Variants in TMOD2 observed in about 807,000 individuals in gnomAD.
TMOD2 encodes tropomodulin 2.
In TMOD2, 22 loss-of-function variants were observed where a neutral mutation model predicts 39.9. The observed-to-expected ratio is 0.55, with a 90% CI of 0.39 to 0.79. The LOEUF is 0.79. Ranked by LOEUF, TMOD2 falls within the 30% of genes least tolerant of loss-of-function variation. The pLI, the probability that TMOD2 is intolerant of heterozygous loss-of-function variation, is 0.00. For missense variants in TMOD2, 386 were observed against 413.3 expected (o/e 0.93, Z 0.57); for synonymous variants, 123 against 146.1 (o/e 0.84, Z 1.14).
intron 1 of TMOD2, among the ~76,000 whole-genome samples, chr15:51,754,776 A>G (rs533469288): frequency 6.6e-6 from 1 of 152,330 alleles, no homozygotes. Flanking sequence ...TCATGGGTTA[A>G]TGATCATTGT....
At chr15:51,780,078 C>G (rs892304492) in intron 5 of TMOD2, among the ~76,000 whole-genome samples, 22 of 152,140 alleles carry the variant, frequency 1.4e-4, no homozygotes, top group African/African-American at 5.3e-4. Flanking sequence ...TTTTGTTTAT[C>G]ATGTTTTGCT....
intron 7 of TMOD2, among the ~76,000 whole-genome samples, chr15:51,797,198 C>T (rs1051579518): frequency 6.6e-6 from 1 of 152,202 alleles, no homozygotes; most frequent in Non-Finnish European, 1.5e-5. Flanking sequence ...CATTTTCCCC[C>T]CACACTGTAC....
intron 8 of TMOD2, among the ~76,000 whole-genome samples, chr15:51,801,866 A>G (rs2141642263): frequency 6.6e-6 from 1 of 152,116 alleles, no homozygotes; most frequent in African/African-American, 2.4e-5. Flanking sequence ...CTGAGGCAGG[A>G]GAATCCCTTG....
In TMOD2 at chr15:51,768,334, G is replaced by A. The variant is rs188023127; in HGVS notation, c.199G>A (p.Glu67Lys). ...GGCAGCCACCGGCCCCTTTGACCGC[G>A]AGCACCTCCTCATGTACCTGGAGAA... ...QKAATGPFDR[E>K]HLLMYLEKEA... is the part of the protein sequence containing the mutation. Residue 67 changes from glutamate to lysine, a missense_variant, in exon 3 of 10, where the codon GAG (glutamate) becomes AAG (lysine). Transcript: ENST00000249700. 6.4e-5 allele frequency: 103 copies of A among 1,614,172 alleles called. 1 individual carries two copies. The highest frequency in any genetic ancestry group is 8.1e-5 in the Non-Finnish European group (96 of 1,180,024).
rs548292974 is a variant in TMOD2, at chr15:51,778,253, G to A, written c.493+1235G>A. On this transcript the variant is annotated intron_variant, in intron 5 of 9. Transcript: ENST00000249700. ...ATCTCAAGGACAAAAAACCAACACC[G>A]CATCTTCTCACTCATAGATGGGAAT... Among the ~76,000 whole-genome samples the A allele has an allele frequency of 4.8e-5, 7 of 145,770 alleles. No individual in the cohort carries two copies. In the South Asian group the frequency reaches 6.5e-4, roughly 14 times the overall value.
chr15:51,776,299 A>C (rs185129389), intron 4 of TMOD2, among the ~76,000 whole-genome samples: 1 of 152,344 alleles, frequency 6.6e-6, no homozygotes, highest in Non-Finnish European at 1.5e-5. Flanking sequence ...AAATCTGCGT[A>C]GCAGTTGCAG....
At chr15:51,778,418 A>G (rs1420690477) in intron 5 of TMOD2, among the ~76,000 whole-genome samples, 1 of 150,950 alleles carries the variant, frequency 6.6e-6, no homozygotes, top group Admixed American at 6.6e-5. Context: ...GCACACCAGC[A>G]TGACACATGT....
intron 1 of TMOD2, among the ~76,000 whole-genome samples, chr15:51,758,435 A>T (rs1315142617): frequency 6.6e-6 from 1 of 152,218 alleles, no homozygotes; most frequent in African/African-American, 2.4e-5. Context: ...GTGGGCTTAG[A>T]TGATCTCAGA....
intron 1 of TMOD2, among the ~76,000 whole-genome samples, chr15:51,761,460 C>T (rs2055780241): frequency 6.6e-6 from 1 of 152,084 alleles, no homozygotes; most frequent in Admixed American, 6.5e-5. Context: ...GGCACTGTGG[C>T]TCATGCCTGT....
In TMOD2 at chr15:51,808,681, G is replaced by C. The variant is rs1012366931; in HGVS notation, c.*227G>C. On this transcript the variant is annotated 3_prime_UTR_variant, in exon 10 of 10. Transcript: ENST00000249700. ...GGCACTTCTGGCAACTTGACAAATG[G>C]ACCGATGCAGATTTTAGAGAGTGAC... The C allele has an allele frequency of 5.2e-6, 2 of 384,016 alleles. No individual in the cohort carries two copies. Among genetic ancestry groups the C allele is most frequent in the Non-Finnish European group, 9.3e-6 (2 of 214,466 alleles). 23.8% of individuals were successfully genotyped at this position (384,016 alleles called of 1,614,324 possible).
intron 1 of TMOD2, among the ~76,000 whole-genome samples, chr15:51,763,833 A>G (rs554360600): frequency 4.4e-4 from 67 of 152,320 alleles, no homozygotes; most frequent in African/African-American, 1.5e-3. Context: ...GTAGGACACC[A>G]TGAATTCTAA....
chr15:51,776,782 G>A (rs935770164), intron 4 of TMOD2, 150 bp from the exon 5 acceptor site: 10 of 593,584 alleles, frequency 1.7e-5, no homozygotes, highest in African/African-American at 1.1e-4. Context: ...TGTATTTAAC[G>A]CTATACATGT....
In TMOD2 at chr15:51,773,785, G is replaced by A. The variant is rs761905257; in HGVS notation, c.357G>A (p.Leu119=). 5.0e-6 allele frequency: 8 copies of A among 1,613,494 alleles called. No homozygotes were observed. The African/African-American group carries it at 6.7e-5, about 13-fold the overall frequency. The change falls in exon 4 of 10, where the codon CTG becomes CTA. Residue 119 remains leucine, a synonymous_variant. Coordinates refer to ENST00000249700, the MANE Select transcript of TMOD2 (RefSeq NM_014548.4). The part of the protein sequence containing the change: ...KEEKVTLDPE[L]EEALASASDT... Reference sequence around the variant, plus strand: ...AAAAAGTGACCCTTGACCCAGAACTGGAAGAAGCTTTGGCCAGTGCCTCTG... The same window carrying A: ...AAAAAGTGACCCTTGACCCAGAACTAGAAGAAGCTTTGGCCAGTGCCTCTG...
At chr15:51,757,394 T>G (rs1306347944) in intron 1 of TMOD2, among the ~76,000 whole-genome samples, 1 of 89,758 alleles carries the variant, frequency 1.1e-5, no homozygotes, top group Admixed American at 1.7e-4. Context: ...ACAGCCAGAC[T>G]CCGTCTCAAA....
intron 4 of TMOD2, among the ~76,000 whole-genome samples, chr15:51,776,102 C>G (rs2055887191): frequency 6.6e-6 from 1 of 152,200 alleles, no homozygotes; most frequent in South Asian, 2.1e-4. Context: ...TCACCGGGTC[C>G]TTGCTAGCTC....
chr15:51,779,686 C>CTT (rs201773750), intron 5 of TMOD2, among the ~76,000 whole-genome samples: 25 of 143,030 alleles, frequency 1.7e-4, no homozygotes, highest in East Asian at 2.1e-4. Context: ...AATGAAGATA[C>CTT]TTTTTTTTTT....
At chr15:51,765,889 C>T (rs916812282) in intron 1 of TMOD2, among the ~76,000 whole-genome samples, 4 of 152,166 alleles carry the variant, frequency 2.6e-5, no homozygotes, top group Non-Finnish European at 4.4e-5. Context: ...TGAATGAATC[C>T]CATTTTGTAT....
At chr15:51,800,192 T>TA (rs1308706417) in intron 8 of TMOD2, among the ~76,000 whole-genome samples, 2 of 152,230 alleles carry the variant, frequency 1.3e-5, no homozygotes, top group East Asian at 3.8e-4. Flanking sequence ...GAGTTAGAAT[T>TA]AGCCTAGAAT....
At chr15:51,795,573 GCTTGCTTT>G (rs1326189733) in intron 7 of TMOD2, among the ~76,000 whole-genome samples, 1,680 of 33,016 alleles carry the variant, frequency 0.051, 19 homozygotes, top group Middle Eastern at 0.1. Flanking sequence ...CTGCTTGCTT[GCTTGCTTT>G]CTTTCTTTCT....
Sources: allele counts gnomAD v4.1 joint callset (sites outside exome capture counted in the v4.1 genomes callset), GRCh38; gene constraint gnomAD v4.1.1; transcripts MANE v1.5; gene names NCBI Gene and HGNC (gene_info 2026-07-23, HGNC 2026-07-21).